The following GRAMD2B variants were observed in gnomAD, a reference collection of about 807,000 sequenced individuals.
GRAMD2B encodes the protein GRAM domain-containing protein 2B.
GRAMD2B carries 41 observed loss-of-function variants against 59.2 expected under a neutral mutation model. The observed-to-expected ratio is 0.69, with a 90% CI of 0.54 to 0.90. The LOEUF is 0.90. Among genes scored for constraint, GRAMD2B ranks in the 40% least tolerant of loss-of-function variants. The probability of loss-of-function intolerance (pLI) is 0.00; values close to 1 mark genes in which losing one functional copy is unlikely to be tolerated. For synonymous variants in GRAMD2B, 161 were observed against 182.7 expected, an observed-to-expected ratio of 0.88 and a Z score of 0.96; for missense variants, 424 against 500.5, an observed-to-expected ratio of 0.85 and a Z score of 1.46.
At chr5:126,459,001 C>G (rs1485787875) in intron 1 of GRAMD2B, 1 of 152,156 alleles carries the variant, frequency 6.6e-6, no homozygotes, top group Non-Finnish European at 1.5e-5. Flanking sequence ...AGAAATCAGT[C>G]TTCTGTTGAT....
At chr5:126,477,441 C>T (rs553071825) in intron 5 of GRAMD2B, among the ~76,000 whole-genome samples, 3 of 152,288 alleles carry the variant, frequency 2.0e-5, no homozygotes, top group African/African-American at 7.2e-5. Context: ...TGAAGATAAA[C>T]GTTTCCCACC....
intron 1 of GRAMD2B, among the ~76,000 whole-genome samples, chr5:126,389,785 T>G (rs190801394): frequency 1.3e-5 from 2 of 152,010 alleles, no homozygotes; most frequent in Admixed American, 6.6e-5. Flanking sequence ...TCGTTCCTAC[T>G]GAAAATACAA....
At chr5:126,457,281 T>G (rs1249488181) in intron 1 of GRAMD2B, among the ~76,000 whole-genome samples, 1 of 152,030 alleles carries the variant, frequency 6.6e-6, no homozygotes, top group East Asian at 1.9e-4. Context: ...GTTTTTGAAT[T>G]TTGGTATCTT....
intron 1 of GRAMD2B, among the ~76,000 whole-genome samples, chr5:126,415,671 G>A (rs1008380285): frequency 6.6e-6 from 1 of 152,134 alleles, no homozygotes; most frequent in African/African-American, 2.4e-5. Context: ...AGGAGTAGAA[G>A]TCCTCTGCAT....
intron 13 of GRAMD2B, among the ~76,000 whole-genome samples, chr5:126,492,104 C>T (rs781056093): frequency 2.0e-5 from 3 of 152,216 alleles, no homozygotes; most frequent in Non-Finnish European, 4.4e-5. Flanking sequence ...CAACATCGGA[C>T]CCGTCTTAAG....
chr5:126,367,783 A>G (rs1754530671), upstream of GRAMD2B, among the ~76,000 whole-genome samples: 1 of 151,932 alleles, frequency 6.6e-6, no homozygotes, highest in Non-Finnish European at 1.5e-5. Context: ...TTGGATTCTC[A>G]CTCTGTCGCC....
At chr5:126,416,600 A>C (rs990072305) in intron 1 of GRAMD2B, among the ~76,000 whole-genome samples, 1 of 152,188 alleles carries the variant, frequency 6.6e-6, no homozygotes, top group Non-Finnish European at 1.5e-5. Context: ...GACAGAAAAC[A>C]TCTTCTCTGA....
chr5:126,393,946 A>T (rs1180939004), intron 1 of GRAMD2B, among the ~76,000 whole-genome samples: 1 of 152,118 alleles, frequency 6.6e-6, no homozygotes, highest in Admixed American at 6.5e-5. Flanking sequence ...TGAGAGTATC[A>T]CAAGACACTC....
rs192206160 is a variant in GRAMD2B at position 126,379,863 on chromosome 5, T to A, written c.125+8296T>A. Among the ~76,000 whole-genome samples, 804 of 152,340 alleles carry A rather than the reference T, an allele frequency of 5.3e-3. 32 individuals carry two copies. Among genetic ancestry groups the A allele is most frequent in the Admixed American group, 0.042 (646 of 15,304 alleles). ...TTTCTCCCACTCTGTGGGTTGTCTG[T>A]TTACTCTGCTGATTATTTCTTTTGC... On this transcript the variant is annotated intron_variant, in intron 1 of 8. Transcript: ENST00000506445.
chr5:126,457,432 A>G (rs11241894), intron 1 of GRAMD2B, among the ~76,000 whole-genome samples: 125,390 of 151,894 alleles, frequency 0.83, 54,469 homozygotes, highest in East Asian at 0.99. Flanking sequence ...TCAGGAGTTC[A>G]AGACCAGCCT....
intron 1 of GRAMD2B, among the ~76,000 whole-genome samples, chr5:126,457,423 C>T (rs1008392453): frequency 9.2e-5 from 14 of 151,956 alleles, no homozygotes; most frequent in Admixed American, 3.3e-4. Context: ...CACCTGAGCT[C>T]AGGAGTTCAA....
chr5:126,400,958 T>A (rs1561481511), intron 1 of GRAMD2B, among the ~76,000 whole-genome samples: 1 of 152,136 alleles, frequency 6.6e-6, no homozygotes, highest in South Asian at 2.1e-4. Flanking sequence ...CTGAGCTTCA[T>A]GAACGTGATG....
At chr5:126,423,204 A>C (rs1759940994), upstream of GRAMD2B, 2 of 1,014,408 alleles carry the variant, frequency 2.0e-6, no homozygotes, top group African/African-American at 1.7e-5. Flanking sequence ...GAAAACAAAA[A>C]GCTTAATTTA....
chr5:126,445,246 G>C (rs1332251233), intron 1 of GRAMD2B, among the ~76,000 whole-genome samples: 1 of 152,006 alleles, frequency 6.6e-6, no homozygotes, highest in Non-Finnish European at 1.5e-5. Flanking sequence ...TGGTATTTTT[G>C]CCTCTGGGTC....
rs1273267928 is a variant in GRAMD2B, at chr5:126,493,862, T to C, written c.*906T>C. On this transcript the variant is annotated 3_prime_UTR_variant, in exon 14 of 14. Transcript: ENST00000285689. ...AATCCCTTTCAGCATGAAATTTGTATGTTTTTATCCTTTGCTGACTAAAAT... is the reference window on the plus strand; with the variant it reads ...AATCCCTTTCAGCATGAAATTTGTACGTTTTTATCCTTTGCTGACTAAAAT... 1 of 152,666 alleles carries C rather than the reference T, an allele frequency of 6.6e-6. No homozygotes were observed. Among genetic ancestry groups the C allele is most frequent in the Admixed American group, 6.5e-5 (1 of 15,290 alleles). 9.5% of individuals were successfully genotyped at this position (152,666 alleles called of 1,614,324 possible).
chr5:126,473,349 T>A lies in GRAMD2B; in HGVS notation c.467T>A (p.Val156Asp). The A allele has an allele frequency of 6.8e-7, 1 of 1,476,578 alleles. No homozygotes were observed. The highest frequency in any genetic ancestry group is 9.2e-7 in the Non-Finnish European group (1 of 1,088,702). 91.5% of individuals were successfully genotyped at this position (1,476,578 alleles called of 1,614,324 possible). Residue 156 changes from valine to aspartate, a missense_variant, in exon 5 of 14, where the codon GTC becomes GAC. By Grantham distance (152) the Val-to-Asp change is radical. Coordinates refer to ENST00000285689, the MANE Select transcript of GRAMD2B (RefSeq NM_023927.4). Reference sequence around the variant, plus strand: ...AACTGGATTTGTTTTCATTCCAAAGTCTTTGGAAAAGACACAAAGGTTGGT... The same window carrying A: ...AACTGGATTTGTTTTCATTCCAAAGACTTTGGAAAAGACACAAAGGTTGGT... ...SENWICFHSKVFGKDTKISIP... is the reference protein window; with the variant it reads ...SENWICFHSKDFGKDTKISIP...
In GRAMD2B at chr5:126,479,444, T is replaced by C. The variant is rs116227166; in HGVS notation, c.583-1012T>C. Among the ~76,000 whole-genome samples the C allele has an allele frequency of 5.5e-3, 833 of 152,330 alleles. 6 individuals are homozygous for C. The highest frequency in any genetic ancestry group is 0.019 in the African/African-American group (807 of 41,570). On this transcript the variant is annotated intron_variant, in intron 6 of 13. Coordinates refer to ENST00000285689, the MANE Select transcript of GRAMD2B (RefSeq NM_023927.4). Reference sequence around the variant, plus strand: ...AAGCTAGAAAATATGTTAATATCTATTTGGGGATTTTTTAGAAATACTAAT... The same window carrying C: ...AAGCTAGAAAATATGTTAATATCTACTTGGGGATTTTTTAGAAATACTAAT...
rs202196656 is a variant in GRAMD2B at position 126,472,284 on chromosome 5, C to T, written c.362C>T (p.Thr121Met). Residue 121 changes from threonine (T) to methionine (M), a missense_variant, in exon 4 of 14, where the codon ACG (threonine) becomes ATG (methionine). Physicochemically the swap from Thr to Met is moderately conservative, Grantham distance 81. Coordinates refer to ENST00000285689, the MANE Select transcript of GRAMD2B (RefSeq NM_023927.4). ...HFHKLFLSVP[T>M]EEPLKQSFTC... ...CACAAGTTGTTTCTTAGTGTCCCAA[C>T]GGAGGAACCACTGAAGCAAAGTAAG... is the stretch of plus-strand genomic sequence containing the variant. The T allele has an allele frequency of 8.0e-5, 129 of 1,613,692 alleles. No individual in the cohort carries two copies. Among genetic ancestry groups the T allele is most frequent in the South Asian group, 5.3e-4 (48 of 91,060 alleles).
intron 5 of GRAMD2B, among the ~76,000 whole-genome samples, chr5:126,474,605 C>G (rs113813806): frequency 9.2e-5 from 14 of 152,206 alleles, no homozygotes; most frequent in African/African-American, 3.4e-4. Context: ...TGATATAGTT[C>G]TCAGGAATTC....
Sources: allele counts gnomAD v4.1 joint callset (sites outside exome capture counted in the v4.1 genomes callset), GRCh38; gene constraint gnomAD v4.1.1; transcripts MANE v1.5; gene names NCBI Gene and HGNC (gene_info 2026-07-23, HGNC 2026-07-21).